PIBF1: variants seen among roughly 807,000 people sequenced by gnomAD.
PIBF1 encodes progesterone immunomodulatory binding factor 1.
PIBF1 carries 90 observed loss-of-function variants against 112.5 expected under a neutral mutation model. The ratio of observed to expected loss-of-function variants is 0.80; its 90% CI spans 0.67 to 0.95. The LOEUF (loss-of-function observed/expected upper bound fraction) is 0.95, where lower values mean the gene tolerates loss of function less well. Among genes scored for constraint, PIBF1 ranks in the 40% least tolerant of loss-of-function variants. The pLI is 0.00. For synonymous variants in PIBF1, 301 were observed against 288.6 expected (o/e 1.04, Z -0.44); for missense variants, 915 against 852.3 (o/e 1.07, Z -0.92).
intron 5 of PIBF1, among the ~76,000 whole-genome samples, chr13:72,819,320 G>A (rs924945826): frequency 6.6e-6 from 1 of 151,696 alleles, no homozygotes; most frequent in East Asian, 1.9e-4. Flanking sequence ...GCACATCTAA[G>A]CTGTGGATCC....
intron 9 of PIBF1, among the ~76,000 whole-genome samples, chr13:72,844,768 C>T (rs1485424708): frequency 2.8e-5 from 3 of 106,940 alleles, no homozygotes; most frequent in Non-Finnish European, 4.1e-5. Flanking sequence ...CACACACACA[C>T]ACACACACAC....
At chr13:72,808,108 AAAGC>A (rs1401975775) in intron 5 of PIBF1, among the ~76,000 whole-genome samples, 1 of 152,212 alleles carries the variant, frequency 6.6e-6, no homozygotes, top group Non-Finnish European at 1.5e-5. Flanking sequence ...CTTTACAAAC[AAAGC>A]TCTGAGAACA....
chr13:72,860,841 T>C (rs1261645618), intron 10 of PIBF1, among the ~76,000 whole-genome samples: 2 of 152,224 alleles, frequency 1.3e-5, no homozygotes, highest in African/African-American at 2.4e-5. Context: ...AAAAGACTCA[T>C]GTATGTCCCA....
intron 10 of PIBF1, among the ~76,000 whole-genome samples, chr13:72,871,778 T>C (rs896667731): frequency 2.6e-5 from 4 of 152,228 alleles, no homozygotes; most frequent in Non-Finnish European, 5.9e-5. Context: ...ACGCAAGAAC[T>C]CTTAGTTGGA....
At chr13:72,966,620 A>G (rs932134704) in intron 15 of PIBF1, among the ~76,000 whole-genome samples, 2 of 152,116 alleles carry the variant, frequency 1.3e-5, no homozygotes, top group African/African-American at 4.8e-5. Flanking sequence ...AAATTTGAAT[A>G]TTTTTTGGCC....
intron 10 of PIBF1, among the ~76,000 whole-genome samples, chr13:72,855,157 T>A (rs1317737332): frequency 6.6e-6 from 1 of 152,178 alleles, no homozygotes; most frequent in East Asian, 1.9e-4. Flanking sequence ...GGTCTTTTAA[T>A]TGTTAAATGA....
chr13:72,804,702 A>G (rs978003239), intron 5 of PIBF1, among the ~76,000 whole-genome samples: 3 of 152,106 alleles, frequency 2.0e-5, no homozygotes, highest in African/African-American at 7.2e-5. Context: ...AGTTTTCTTA[A>G]TTTCCTTCAG....
intron 10 of PIBF1, among the ~76,000 whole-genome samples, chr13:72,886,441 G>C (rs1229652116): frequency 6.6e-6 from 1 of 151,476 alleles, no homozygotes; most frequent in Non-Finnish European, 1.5e-5. Flanking sequence ...TTATAACACT[G>C]TTATAAAAAT....
At chr13:72,810,854 T>C (rs2035971788) in intron 5 of PIBF1, among the ~76,000 whole-genome samples, 1 of 151,682 alleles carries the variant, frequency 6.6e-6, no homozygotes, top group Admixed American at 6.6e-5. Context: ...ACTAAGAACC[T>C]CAATTTTTTT....
intron 10 of PIBF1, among the ~76,000 whole-genome samples, chr13:72,864,589 A>G (rs2038846315): frequency 6.6e-6 from 1 of 152,164 alleles, no homozygotes; most frequent in Admixed American, 6.5e-5. Context: ...CTTTCTTTAT[A>G]GGCTGCTGCT....
At chr13:72,905,998 A>G (rs2040690391) in intron 11 of PIBF1, among the ~76,000 whole-genome samples, 1 of 152,204 alleles carries the variant, frequency 6.6e-6, no homozygotes, top group Non-Finnish European at 1.5e-5. Flanking sequence ...TGCCTCTCTC[A>G]TAATGAATCC....
In PIBF1 at chr13:72,917,125, T is replaced by C; in HGVS notation, c.1689T>C (p.Gly563=). Residue 563 remains glycine (G), a synonymous_variant, in exon 13 of 18, where the codon GGT becomes GGC. Coordinates refer to ENST00000326291, the MANE Select transcript of PIBF1 (RefSeq NM_006346.4). ...AERVLFSYGY[G]ANVPTTAKRR... ...GGGTTCTTTTTTCCTACGGCTATGG[T>C]GCTAATGTTCCCACAACAGCCAAAA... 6.3e-7 allele frequency: 1 copy of C among 1,598,984 alleles called. No homozygotes were observed. The highest frequency in any genetic ancestry group is 1.1e-5 in the South Asian group (1 of 88,300).
chr13:72,801,296 T>C (rs1002029985), intron 5 of PIBF1, among the ~76,000 whole-genome samples: 1 of 152,032 alleles, frequency 6.6e-6, no homozygotes, highest in Non-Finnish European at 1.5e-5. Context: ...ATTTTTTTTT[T>C]CAGTAGATAT....
At chr13:72,820,349 G>T (rs1422682054) in intron 5 of PIBF1, among the ~76,000 whole-genome samples, 1 of 152,092 alleles carries the variant, frequency 6.6e-6, no homozygotes, top group Non-Finnish European at 1.5e-5. Context: ...TTCTTCAGAA[G>T]AACTAAAGAT....
Position 72,846,883 on chromosome 13 carries a change from C to G in PIBF1, c.1224-7174C>G, listed in dbSNP as rs1025018419. 1.8e-4 allele frequency among the ~76,000 whole-genome samples: 28 copies of G among 152,076 alleles called. 1 individual carries two copies. On this transcript the variant is annotated intron_variant, in intron 9 of 17. Transcript: ENST00000326291. ...AGTCCTGGACTCCCAGGTACCAGTGCCTGGTACGCAGTAAACACTCAATAT... is the reference window on the plus strand; with the variant it reads ...AGTCCTGGACTCCCAGGTACCAGTGGCTGGTACGCAGTAAACACTCAATAT...
chr13:72,904,627 G>A (rs1594164780), intron 11 of PIBF1, among the ~76,000 whole-genome samples: 1 of 151,122 alleles, frequency 6.6e-6, no homozygotes, highest in East Asian at 2.0e-4. Context: ...TTTTAGTAGA[G>A]ACAGGGTTTT....
At chr13:72,908,881 T>A (rs2040800008) in intron 12 of PIBF1, among the ~76,000 whole-genome samples, 200 bp downstream of exon 12, 1 of 151,588 alleles carries the variant, frequency 6.6e-6, no homozygotes, top group Non-Finnish European at 1.5e-5. Context: ...AAACCCCATC[T>A]CTACTAAAAA....
chr13:72,838,241 C>G (rs982486727), intron 9 of PIBF1, among the ~76,000 whole-genome samples: 3 of 151,988 alleles, frequency 2.0e-5, no homozygotes, highest in South Asian at 2.1e-4. Context: ...AGCTGGTAGT[C>G]TAATGGAGGG....
At chr13:73,000,730 C>G (rs756707281) in intron 17 of PIBF1, among the ~76,000 whole-genome samples, 4 of 152,206 alleles carry the variant, frequency 2.6e-5, no homozygotes, top group Non-Finnish European at 5.9e-5. Context: ...ACTATTCCTT[C>G]TGACCCTGAC....
Sources: allele counts gnomAD v4.1 joint callset (sites outside exome capture counted in the v4.1 genomes callset), GRCh38; gene constraint gnomAD v4.1.1; transcripts MANE v1.5; gene names NCBI Gene and HGNC (gene_info 2026-07-23, HGNC 2026-07-21).